The following TRAP1 variants were observed in gnomAD, a reference collection of about 807,000 sequenced individuals.
TRAP1 encodes the protein heat shock protein 75 kDa, mitochondrial.
In TRAP1, 102 loss-of-function variants were observed where a neutral mutation model predicts 89.1. That is an observed-to-expected ratio of 1.15 (90% CI 0.98 to 1.35). The LOEUF (loss-of-function observed/expected upper bound fraction) is 1.35. Among genes scored for constraint, TRAP1 ranks in the 40% most tolerant of loss-of-function variants. The pLI is 0.00. For synonymous variants in TRAP1, 508 were observed against 388.0 expected (o/e 1.31, Z -3.64); for missense variants, 1,256 against 945.3 (o/e 1.33, Z -4.31).
At chr16:3,695,315 C>A (rs528090592) in intron 1 of TRAP1, among the ~76,000 whole-genome samples, 2 of 152,160 alleles carry the variant, frequency 1.3e-5, no homozygotes, top group South Asian at 4.1e-4. Context: ...CATGACACTT[C>A]CACATACATC....
chr16:3,684,063 G>A (rs1364880267), intron 4 of TRAP1, among the ~76,000 whole-genome samples: 1 of 151,964 alleles, frequency 6.6e-6, no homozygotes, highest in Non-Finnish European at 1.5e-5. Flanking sequence ...CTACTTGGGG[G>A]GCTGAGGCAG....
Position 3,690,949 on chromosome 16 carries a change from T to TG in TRAP1, c.124dup (p.Gln42ProfsTer48), listed in dbSNP as rs2051206262. ...GGCTGGGTTTCGCCTGGGGCCCAAC[T>TG]GGGCTGTGGTCCTCCGAGGACACAG... is the stretch of plus-strand genomic sequence containing the variant. On this transcript the variant is annotated frameshift_variant, in exon 2 of 18. Transcript: ENST00000246957. LOFTEE classifies it high-confidence loss of function. The TG allele has an allele frequency of 6.4e-7, 1 of 1,573,896 alleles. No homozygotes were observed.
At chr16:3,686,612 T>C (rs983580883) in intron 3 of TRAP1, among the ~76,000 whole-genome samples, 2 of 152,192 alleles carry the variant, frequency 1.3e-5, no homozygotes, top group African/African-American at 2.4e-5. Context: ...CCACGGTGCC[T>C]GGCCCTTTTC....
chr16:3,708,901 C>T (rs532477651), intron 1 of TRAP1, among the ~76,000 whole-genome samples: 7 of 150,498 alleles, frequency 4.7e-5, no homozygotes, highest in Non-Finnish European at 1.0e-4. Context: ...CTGCAAGCTC[C>T]GCTTCCTGGG....
chr16:3,668,378 G>C (rs1469075377), intron 11 of TRAP1, among the ~76,000 whole-genome samples: 1 of 152,148 alleles, frequency 6.6e-6, no homozygotes, highest in Non-Finnish European at 1.5e-5. Context: ...AATATTTTAA[G>C]TAAATAAATG....
intron 1 of TRAP1, among the ~76,000 whole-genome samples, chr16:3,715,793 A>C (rs2051590656): frequency 6.6e-6 from 1 of 152,112 alleles, no homozygotes; most frequent in African/African-American, 2.4e-5. Context: ...AAAGACAAAA[A>C]AATAAATAAA....
At chr16:3,698,703 T>C (rs1384899848) in intron 1 of TRAP1, among the ~76,000 whole-genome samples, 3 of 151,950 alleles carry the variant, frequency 2.0e-5, no homozygotes, top group Admixed American at 2.0e-4. Flanking sequence ...GCTCAGGAGT[T>C]TGAAATTAGC....
At chr16:3,667,003 C>T (rs1463227887) in intron 11 of TRAP1, among the ~76,000 whole-genome samples, 1 of 152,150 alleles carries the variant, frequency 6.6e-6, no homozygotes, top group Admixed American at 6.6e-5. Context: ...AGAGCCTTTC[C>T]TCCCACACTC....
chr16:3,710,194 G>C (rs1056994132), intron 1 of TRAP1, among the ~76,000 whole-genome samples: 1 of 152,168 alleles, frequency 6.6e-6, no homozygotes, highest in African/African-American at 2.4e-5. Flanking sequence ...CAAAATATGG[G>C]CCTGAAGCCC....
intron 1 of TRAP1, among the ~76,000 whole-genome samples, chr16:3,699,629 CAA>C (rs35602361): frequency 1.9e-3 from 138 of 72,056 alleles, no homozygotes; most frequent in African/African-American, 3.3e-3. Context: ...AACTCCGTCT[CAA>C]AAAAAAAAAA....
intron 3 of TRAP1, among the ~76,000 whole-genome samples, chr16:3,686,369 G>A (rs912076442): frequency 5.9e-5 from 9 of 152,158 alleles, no homozygotes; most frequent in African/African-American, 1.9e-4. Flanking sequence ...TGTCACTCAG[G>A]CTGGAGGCTG....
intron 4 of TRAP1, among the ~76,000 whole-genome samples, chr16:3,682,913 A>C (rs943829118): frequency 3.9e-5 from 6 of 152,094 alleles, no homozygotes; most frequent in South Asian, 2.1e-4. Flanking sequence ...TCATGCCTAT[A>C]ATCCCAGCAC....
At chr16:3,675,617 C>T (rs2050980200) in intron 7 of TRAP1, among the ~76,000 whole-genome samples, 1 of 152,170 alleles carries the variant, frequency 6.6e-6, no homozygotes, top group African/African-American at 2.4e-5. Context: ...TGTGGAGGCC[C>T]CGGCTGCTGC....
At chr16:3,705,845 A>G (rs1038406596) in intron 1 of TRAP1, among the ~76,000 whole-genome samples, 84 of 151,368 alleles carry the variant, frequency 5.5e-4, no homozygotes, top group African/African-American at 2.0e-3. Flanking sequence ...ACACCCGGCT[A>G]ATTTTATATA....
rs572532032 is a variant in TRAP1 at position 3,698,875 on chromosome 16, G to T, written c.89-7890C>A. ...CATTTCAGGGTGGGAGATGCAGCCAGGCCCTGTCTCAAAAAAAAAATTAAA... is the reference window on the plus strand; with the variant it reads ...CATTTCAGGGTGGGAGATGCAGCCATGCCCTGTCTCAAAAAAAAAATTAAA... On this transcript the variant is annotated intron_variant, in intron 1 of 17. Coordinates refer to ENST00000246957, the MANE Select transcript of TRAP1 (RefSeq NM_016292.3). Among the ~76,000 whole-genome samples, 21 of 151,652 alleles carry T rather than the reference G, an allele frequency of 1.4e-4. No individual in the cohort carries two copies. In the South Asian group the frequency reaches 4.2e-3, roughly 30 times the overall value.
chr16:3,662,205 G>C, intron 15 of TRAP1, 73 bp from the exon 16 acceptor site: 1 of 1,548,658 alleles, frequency 6.5e-7, no homozygotes, highest in South Asian at 1.2e-5. Context: ...CTTACCAGGG[G>C]TGAAGGTCAC....
chr16:3,690,631 AAG>A (rs1465937061), intron 2 of TRAP1, among the ~76,000 whole-genome samples, 194 bp downstream of exon 2: 2 of 152,178 alleles, frequency 1.3e-5, no homozygotes, highest in African/African-American at 4.8e-5. Context: ...CAGAGGGGGC[AAG>A]ACACACCCGA....
intron 16 of TRAP1, 129 bp from the exon 17 acceptor site, chr16:3,658,994 T>C (rs545114124): frequency 1.8e-5 from 16 of 870,932 alleles, no homozygotes; most frequent in South Asian, 1.2e-4. Context: ...AAATAAGGTA[T>C]GTTAATGATC....
rs1329518311 is a variant in TRAP1, at chr16:3,674,391, T to C, written c.992A>G (p.Tyr331Cys). ...AHDKPRYTLHYKTDAPLNIRS... is the reference protein window; with the variant it reads ...AHDKPRYTLHCKTDAPLNIRS... ...GATGTTGAGCGGTGCGTCCGTCTTATAGTGCAGGGTGTAGCGGGGCTTGTC... is the reference window on the plus strand; with the variant it reads ...GATGTTGAGCGGTGCGTCCGTCTTACAGTGCAGGGTGTAGCGGGGCTTGTC... Residue 331 changes from tyrosine to cysteine, a missense_variant, in exon 9 of 18, where the codon TAT (tyrosine) becomes TGT (cysteine). Tyr to Cys is a radical substitution (Grantham distance 194). Coordinates refer to ENST00000246957, the MANE Select transcript of TRAP1 (RefSeq NM_016292.3). The C allele has an allele frequency of 1.3e-5, 21 of 1,613,984 alleles. No individual in the cohort carries two copies. Among genetic ancestry groups the C allele is most frequent in the Admixed American group, 3.3e-5 (2 of 60,002 alleles).
Sources: gnomAD v4.1 joint callset for allele counts (sites outside exome capture counted in the v4.1 genomes callset) on GRCh38, gnomAD v4.1.1 for gene constraint, MANE v1.5 for transcripts, NCBI Gene and HGNC (gene_info 2026-07-23, HGNC 2026-07-21) for gene names.